Variants in TSHZ2 observed in about 807,000 individuals in gnomAD.
TSHZ2 encodes the protein teashirt zinc finger homeobox 2.
In TSHZ2, 21 loss-of-function variants were observed where a neutral mutation model predicts 74.4. The observed-to-expected ratio is 0.28, with a 90% confidence interval of 0.20 to 0.41. The LOEUF (loss-of-function observed/expected upper bound fraction) is 0.41. TSHZ2 is among the 10% of genes least tolerant of loss of function. The pLI is 1.00. For missense variants in TSHZ2, 1,244 were observed against 1,293.5 expected, an observed-to-expected ratio of 0.96 and a Z score of 0.59; for synonymous variants, 540 against 515.3, an observed-to-expected ratio of 1.05 and a Z score of -0.65.
intron 1 of TSHZ2, among the ~76,000 whole-genome samples, chr20:53,066,887 C>T (rs1985007868): frequency 6.6e-6 from 1 of 152,140 alleles, no homozygotes; most frequent in Non-Finnish European, 1.5e-5. Context: ...CCCTATGATG[C>T]CTCTTCTGAG....
intron 2 of TSHZ2, among the ~76,000 whole-genome samples, chr20:53,482,880 G>A (rs6097451): frequency 6.6e-6 from 1 of 151,892 alleles, no homozygotes; most frequent in Non-Finnish European, 1.5e-5. Flanking sequence ...TACTCAAGCC[G>A]GGGCAACAGA....
chr20:53,453,789 A>G (rs939968677), intron 2 of TSHZ2, among the ~76,000 whole-genome samples: 9 of 152,196 alleles, frequency 5.9e-5, no homozygotes, highest in African/African-American at 1.9e-4. Context: ...AAAATAGGCC[A>G]GGGTAGGAGA....
chr20:53,175,783 C>T (rs6097274), intron 1 of TSHZ2, among the ~76,000 whole-genome samples: 68,346 of 151,998 alleles, frequency 0.45, 17,079 homozygotes, highest in African/African-American at 0.67. Flanking sequence ...CCCCGACCTA[C>T]AGACTTGGTT....
intron 1 of TSHZ2, among the ~76,000 whole-genome samples, chr20:52,999,521 T>A (rs1370071379): frequency 1.3e-5 from 2 of 152,206 alleles, no homozygotes; most frequent in African/African-American, 4.8e-5. Flanking sequence ...GATGACTGAC[T>A]GACAGATGGA....
chr20:53,240,360 A>G (rs1990035983), intron 1 of TSHZ2, among the ~76,000 whole-genome samples: 1 of 152,154 alleles, frequency 6.6e-6, no homozygotes, highest in South Asian at 2.1e-4. Context: ...GGAAGCAACC[A>G]TAGTGTCTCC....
chr20:53,043,170 A>G (rs193239632), intron 1 of TSHZ2, among the ~76,000 whole-genome samples: 348 of 152,338 alleles, frequency 2.3e-3, no homozygotes, highest in Non-Finnish European at 3.6e-3. Flanking sequence ...GATTGTGCAT[A>G]AAAAAATTGC....
At chr20:53,438,102 CTTTT>C (rs904338838) in intron 2 of TSHZ2, among the ~76,000 whole-genome samples, 7 of 142,784 alleles carry the variant, frequency 4.9e-5, no homozygotes, top group African/African-American at 1.5e-4. Flanking sequence ...ACTTTTCTTT[CTTTT>C]TTTTTTTTCT....
chr20:53,433,584 GACACACACACAC>G (rs59162370), intron 2 of TSHZ2, among the ~76,000 whole-genome samples: 6 of 137,072 alleles, frequency 4.4e-5, no homozygotes, highest in African/African-American at 5.7e-5. Context: ...CAGACACACA[GACACACACACAC>G]ACACACACAC....
At chr20:53,230,628 C>T (rs996029157) in intron 1 of TSHZ2, among the ~76,000 whole-genome samples, 8 of 152,174 alleles carry the variant, frequency 5.3e-5, no homozygotes, top group African/African-American at 1.9e-4. Context: ...CATGGTGGCT[C>T]ACGCCTGTAA....
Position 53,074,516 on chromosome 20 carries a change from C to T in TSHZ2, c.40+101183C>T, listed in dbSNP as rs1399565389. 6.6e-6 allele frequency among the ~76,000 whole-genome samples: 1 copy of T among 152,010 alleles called. No homozygotes were observed. Among genetic ancestry groups the T allele is most frequent in the East Asian group, 1.9e-4 (1 of 5,188 alleles). ...AAAGGCAAACCAGATTTTTTTAAAGCTTATGATTGTTGGAAAGTTCAAGTA... is the reference window on the plus strand; with the variant it reads ...AAAGGCAAACCAGATTTTTTTAAAGTTTATGATTGTTGGAAAGTTCAAGTA... On this transcript the variant is annotated intron_variant, in intron 1 of 2. Coordinates refer to ENST00000371497, the MANE Select transcript of TSHZ2 (RefSeq NM_173485.6). The surrounding 1 kb of genome is among the most constrained non-coding windows in gnomAD (Gnocchi z 5.9).
intron 2 of TSHZ2, among the ~76,000 whole-genome samples, chr20:53,483,537 A>C (rs1029279785): frequency 1.2e-4 from 19 of 152,162 alleles, no homozygotes; most frequent in Non-Finnish European, 1.5e-5. Flanking sequence ...CAAACAAAAC[A>C]AAACAAATTT....
intron 1 of TSHZ2, among the ~76,000 whole-genome samples, chr20:53,054,820 T>C (rs1018972993): frequency 1.4e-4 from 22 of 152,182 alleles, no homozygotes; most frequent in Admixed American, 2.0e-4. Context: ...ATGGGCACTA[T>C]ACAGCTTTTA....
rs1387532129 is a variant in TSHZ2, at chr20:53,374,924, A to G, written c.*9-112220A>G. ...GTTGTCTGTATACTCTGTTGATATG[A>G]AAAAAAAAAAAAAAACACTATTTTT... On this transcript the variant is annotated intron_variant, in intron 2 of 2. Transcript: ENST00000371497. 1.3e-4 allele frequency among the ~76,000 whole-genome samples: 8 copies of G among 61,936 alleles called. No individual in the cohort carries two copies. In the African/African-American group the frequency reaches 2.0e-3, roughly 15 times the overall value. The allele number at this position is 61,936 out of a possible 152,430, so 40.6% of individuals were successfully genotyped here. A position where few individuals can be genotyped will look rare whatever the true frequency, so the allele number is the denominator to read the frequency against.
At chr20:53,241,678 C>A (rs1990074236) in intron 1 of TSHZ2, among the ~76,000 whole-genome samples, 1 of 152,096 alleles carries the variant, frequency 6.6e-6, no homozygotes, top group African/African-American at 2.4e-5. Context: ...AGGAGACATA[C>A]TGAGTGCTGA....
At chr20:53,353,827 G>A (rs182314167) in intron 2 of TSHZ2, among the ~76,000 whole-genome samples, 52 of 152,314 alleles carry the variant, frequency 3.4e-4, no homozygotes, top group Admixed American at 6.5e-4. Context: ...TATGAAAGAC[G>A]AATGGACATT....
Position 53,048,208 on chromosome 20 carries a change from C to A in TSHZ2, c.40+74875C>A, listed in dbSNP as rs1600664711. Among the ~76,000 whole-genome samples, 6 of 152,256 alleles carry A rather than the reference C, an allele frequency of 3.9e-5. 1 individual carries two copies. The highest frequency in any genetic ancestry group is 3.9e-4 in the Admixed American group (6 of 15,298). ...CAGGGTAGAGCCGATCAAAGACAGC[C>A]CAGGACCCATTCTGACTTCTGGCCT... On this transcript the variant is annotated intron_variant, in intron 1 of 2. Transcript: ENST00000371497.
chr20:53,357,507 T>TA lies in TSHZ2; in HGVS notation c.*8+100946dup, dbSNP rs201115697. Among the ~76,000 whole-genome samples, 1,320 of 149,408 alleles carry TA rather than the reference T, an allele frequency of 8.8e-3. 15 individuals carry two copies. Among genetic ancestry groups the TA allele is most frequent in the African/African-American group, 0.029 (1,175 of 40,706 alleles). On this transcript the variant is annotated intron_variant, in intron 2 of 2. Coordinates refer to ENST00000371497, the MANE Select transcript of TSHZ2 (RefSeq NM_173485.6). ...TAGTGAGACGCTGTCTCTATTTTATTAAAAAAAAAATAAAATTAAATAAAA... is the reference window on the plus strand; with the variant it reads ...TAGTGAGACGCTGTCTCTATTTTATTAAAAAAAAAAATAAAATTAAATAAAA...
At chr20:53,293,793 A>C (rs1314268469) in intron 2 of TSHZ2, among the ~76,000 whole-genome samples, 2 of 151,972 alleles carry the variant, frequency 1.3e-5, no homozygotes, top group South Asian at 4.2e-4. Context: ...CAAGGCTGGC[A>C]GATCACGAGG....
intron 2 of TSHZ2, among the ~76,000 whole-genome samples, chr20:53,269,665 C>T (rs1990792024): frequency 6.6e-6 from 1 of 152,096 alleles, no homozygotes; most frequent in Non-Finnish European, 1.5e-5. Flanking sequence ...TAGAATAGTG[C>T]CTGGCACAGT....
Sources: allele counts gnomAD v4.1 joint callset (sites outside exome capture counted in the v4.1 genomes callset), GRCh38; gene constraint gnomAD v4.1.1; non-coding constraint Gnocchi (gnomAD v3.1); transcripts MANE v1.5; gene names NCBI Gene and HGNC (gene_info 2026-07-23, HGNC 2026-07-21).